Variants in PRKACB observed in about 807,000 individuals in gnomAD.
PRKACB encodes the protein cAMP-dependent protein kinase catalytic subunit beta.
In PRKACB, 16 loss-of-function variants were observed where a neutral mutation model predicts 51.4. The ratio of observed to expected loss-of-function variants is 0.31; its 90% CI spans 0.21 to 0.47. The LOEUF (loss-of-function observed/expected upper bound fraction) is 0.47, where lower values mean the gene tolerates loss of function less well. Ranked by LOEUF, PRKACB falls within the 20% of genes least tolerant of loss-of-function variation. The pLI is 1.00. For synonymous variants in PRKACB, 147 were observed against 154.4 expected (o/e 0.95, Z 0.35); for missense variants, 309 against 464.5 (o/e 0.67, Z 3.08).
At chr1:84,208,563 T>TG (rs1395854050) in intron 8 of PRKACB, among the ~76,000 whole-genome samples, 1 of 152,230 alleles carries the variant, frequency 6.6e-6, no homozygotes, top group African/African-American at 2.4e-5. Context: ...GAACTTCCTA[T>TG]ACTTTCCCAA....
intron 7 of PRKACB, 146 bp from the exon 8 acceptor site, chr1:84,202,536 CA>C (rs1670426623): frequency 9.2e-6 from 6 of 651,686 alleles, no homozygotes; most frequent in Non-Finnish European, 1.5e-5. Context: ...ACATTTGGTT[CA>C]TTTTTAAATT....
At chr1:84,113,036 CAT>C (rs1650359792) in intron 1 of PRKACB, among the ~76,000 whole-genome samples, 1 of 152,178 alleles carries the variant, frequency 6.6e-6, no homozygotes, top group South Asian at 2.1e-4. Flanking sequence ...AATAGAAAAA[CAT>C]AGCAAAGGAT....
intron 1 of PRKACB, among the ~76,000 whole-genome samples, chr1:84,152,542 C>T (rs893526488): frequency 7.9e-5 from 12 of 152,192 alleles, no homozygotes; most frequent in African/African-American, 2.4e-4. Context: ...TTAGCTAGAT[C>T]TTCTGGATAA....
At chr1:84,192,657 C>A (rs1361242427) in intron 5 of PRKACB, among the ~76,000 whole-genome samples, 1 of 152,080 alleles carries the variant, frequency 6.6e-6, no homozygotes, top group Non-Finnish European at 1.5e-5. Context: ...TGTAACAAGG[C>A]AATCTCTGAG....
intron 9 of PRKACB, among the ~76,000 whole-genome samples, chr1:84,231,385 T>C (rs572397167): frequency 0.016 from 2,455 of 152,258 alleles, 71 homozygotes; most frequent in African/African-American, 0.056. Flanking sequence ...AAATTCTCTT[T>C]TTTGGTTGTG....
At chr1:84,204,644 T>C in intron 8 of PRKACB, 2 of 1,145,970 alleles carry the variant, frequency 1.7e-6, no homozygotes, top group East Asian at 2.8e-5. Flanking sequence ...GGAAGAAGAA[T>C]ATTTTACTAA....
Position 84,160,653 on chromosome 1 carries a change from T to G in PRKACB, c.187+16105T>G, listed in dbSNP as rs928698097. 3.1e-4 allele frequency among the ~76,000 whole-genome samples: 47 copies of G among 150,246 alleles called. 1 individual carries two copies. Among genetic ancestry groups the G allele is most frequent in the Admixed American group, 1.3e-4 (2 of 15,068 alleles). ...CTCTAAATGGTTAAAGCTATGAATT[T>G]TTTTTCTAAACCTGCTTTATCTACC... is the stretch of plus-strand genomic sequence containing the variant. On this transcript the variant is annotated intron_variant, in intron 1 of 9. Coordinates refer to ENST00000370685, the MANE Select transcript of PRKACB (RefSeq NM_182948.4).
At chr1:84,135,159 A>T (rs1018805934) in intron 1 of PRKACB, among the ~76,000 whole-genome samples, 2 of 152,140 alleles carry the variant, frequency 1.3e-5, no homozygotes, top group Admixed American at 6.5e-5. Flanking sequence ...CAGAGCAATA[A>T]ACATCAGGGA....
At chr1:84,103,238 A>T (rs1185611173) in intron 1 of PRKACB, among the ~76,000 whole-genome samples, 1 of 152,158 alleles carries the variant, frequency 6.6e-6, no homozygotes, top group African/African-American at 2.4e-5. Flanking sequence ...CATTCCACTG[A>T]ATCTGGGCTG....
intron 3 of PRKACB, among the ~76,000 whole-genome samples, chr1:84,183,193 G>C (rs887718681): frequency 6.6e-6 from 1 of 151,900 alleles, no homozygotes; most frequent in Non-Finnish European, 1.5e-5. Context: ...ACCTTCTAAT[G>C]ATTTACACAT....
At chr1:84,232,980 C>T (rs1212885708) in intron 9 of PRKACB, among the ~76,000 whole-genome samples, 3 of 151,416 alleles carry the variant, frequency 2.0e-5, no homozygotes, top group East Asian at 1.9e-4. Context: ...TTATTTTGCT[C>T]GTTAGTTGAT....
chr1:84,196,596 A>G lies in PRKACB; in HGVS notation c.561-20A>G, dbSNP rs28730697. The G allele has an allele frequency of 7.3e-4, 1,167 of 1,599,426 alleles. 10 individuals are homozygous for G. The African/African-American group carries it at 0.012, about 16-fold the overall frequency. On this transcript the variant is annotated intron_variant, in intron 5 of 9. Transcript: ENST00000370685. ...ATTAACTCATTTTTACAGAAAATCA[A>G]TGGTTTTATTTCTTTGCAGTGAGCC...
chr1:84,089,149 G>A (rs1648255978), intron 1 of PRKACB, among the ~76,000 whole-genome samples: 1 of 152,108 alleles, frequency 6.6e-6, no homozygotes, highest in East Asian at 1.9e-4. Context: ...ACAGTTCTTG[G>A]CTCATGTCAT....
chr1:84,230,589 G>A (rs1085736), intron 9 of PRKACB, among the ~76,000 whole-genome samples: 25,711 of 151,738 alleles, frequency 0.17, 2,520 homozygotes, highest in Non-Finnish European at 0.22. Context: ...CCATTTGTTT[G>A]TATCTTCTTT....
chr1:84,206,211 T>A (rs889328005), intron 8 of PRKACB, among the ~76,000 whole-genome samples: 4 of 152,126 alleles, frequency 2.6e-5, no homozygotes, highest in African/African-American at 9.7e-5. Context: ...CCACTCCTAA[T>A]GAGTAACAAT....
chr1:84,117,324 T>A (rs149528850), intron 1 of PRKACB, among the ~76,000 whole-genome samples: 10 of 152,228 alleles, frequency 6.6e-5, no homozygotes, highest in African/African-American at 1.9e-4. Flanking sequence ...GTAGAATGAG[T>A]TAGGGAGAAT....
intron 1 of PRKACB, among the ~76,000 whole-genome samples, chr1:84,158,661 T>C (rs1162569597): frequency 1.3e-5 from 2 of 152,120 alleles, no homozygotes; most frequent in Non-Finnish European, 2.9e-5. Flanking sequence ...AGAGCAAAAT[T>C]TGTAATTTTA....
chr1:84,227,436 C>A (rs1229154552), intron 9 of PRKACB, among the ~76,000 whole-genome samples: 1 of 152,026 alleles, frequency 6.6e-6, no homozygotes, highest in Non-Finnish European at 1.5e-5. Context: ...GGCTTGTCAA[C>A]TTTATTAGTA....
intron 1 of PRKACB, among the ~76,000 whole-genome samples, chr1:84,102,774 C>G (rs1000101108): frequency 6.6e-6 from 1 of 152,136 alleles, no homozygotes; most frequent in African/African-American, 2.4e-5. Context: ...AGAGGGCAGC[C>G]AAGAAGCCAG....
Sources: gnomAD v4.1 joint callset for allele counts (sites outside exome capture counted in the v4.1 genomes callset) on GRCh38, gnomAD v4.1.1 for gene constraint, MANE v1.5 for transcripts, NCBI Gene and HGNC (gene_info 2026-07-23, HGNC 2026-07-21) for gene names.